The following CSMD1 variants were observed in gnomAD, a reference collection of about 807,000 sequenced individuals.
The protein encoded by CSMD1 is CUB and sushi domain-containing protein 1.
A neutral mutation model predicts 417.5 loss-of-function variants in CSMD1; 213 were observed. The ratio of observed to expected loss-of-function variants is 0.51; its 90% CI spans 0.46 to 0.57. The LOEUF (loss-of-function observed/expected upper bound fraction) is 0.57. CSMD1 is among the 20% of genes least tolerant of loss of function. The pLI, the probability that CSMD1 is intolerant of heterozygous loss-of-function variation, is 0.00. For synonymous variants in CSMD1, 2,862 were observed against 1,736.8 expected (o/e 1.65, Z -16.11); for missense variants, 6,923 against 4,529.7 (o/e 1.53, Z -15.17).
chr8:3,787,119 A>C (rs1355566812), intron 5 of CSMD1, among the ~76,000 whole-genome samples: 1 of 152,278 alleles, frequency 6.6e-6, no homozygotes. Flanking sequence ...ACATAACTCA[A>C]GAGGAAGGGT....
chr8:4,136,749 T>A (rs1242323088), intron 3 of CSMD1, among the ~76,000 whole-genome samples: 1 of 152,186 alleles, frequency 6.6e-6, no homozygotes, highest in East Asian at 1.9e-4. Flanking sequence ...AAGGTGTGCA[T>A]GTGAATTATT....
intron 1 of CSMD1, among the ~76,000 whole-genome samples, chr8:4,831,531 A>G (rs1045899737): frequency 6.6e-6 from 1 of 152,034 alleles, no homozygotes; most frequent in Non-Finnish European, 1.5e-5. Context: ...TTTTTTTAAT[A>G]TCAGAAGATA....
chr8:3,067,640 C>A (rs935545698), intron 49 of CSMD1, among the ~76,000 whole-genome samples: 1 of 149,346 alleles, frequency 6.7e-6, no homozygotes, highest in Non-Finnish European at 1.5e-5. Flanking sequence ...TAACATTGAT[C>A]AACATTCTTC....
intron 51 of CSMD1, among the ~76,000 whole-genome samples, chr8:3,028,102 A>T (rs1303123301): frequency 6.6e-6 from 1 of 152,240 alleles, no homozygotes; most frequent in Non-Finnish European, 1.5e-5. Context: ...GCGCTGTGCC[A>T]GCCGCAGAAG....
chr8:3,804,085 T>A (rs1000601841), intron 5 of CSMD1, among the ~76,000 whole-genome samples: 1 of 151,884 alleles, frequency 6.6e-6, no homozygotes, highest in African/African-American at 2.4e-5. Context: ...CACCACCACA[T>A]CCAGCTATTT....
chr8:4,604,496 C>T (rs915780641), intron 2 of CSMD1, among the ~76,000 whole-genome samples: 1 of 151,790 alleles, frequency 6.6e-6, no homozygotes, highest in African/African-American at 2.4e-5. Flanking sequence ...TTCTCGTGGT[C>T]ATTAGCTTCT....
chr8:3,270,011 C>T (rs1037715129), intron 26 of CSMD1, among the ~76,000 whole-genome samples: 1 of 150,222 alleles, frequency 6.7e-6, no homozygotes, highest in African/African-American at 2.4e-5. Flanking sequence ...AGACATGAAG[C>T]ATGGAAGATG....
chr8:4,859,737 A>G (rs540581636), intron 1 of CSMD1, among the ~76,000 whole-genome samples: 35 of 152,042 alleles, frequency 2.3e-4, no homozygotes, highest in Admixed American at 1.4e-3. Flanking sequence ...TTAGAATGGC[A>G]ATCATTAAAA....
intron 3 of CSMD1, among the ~76,000 whole-genome samples, chr8:4,070,382 G>C (rs748161771): frequency 2.0e-5 from 3 of 152,088 alleles, no homozygotes; most frequent in Admixed American, 2.0e-4. Context: ...TTTTGAGACA[G>C]AGTCTCGCTG....
chr8:3,564,517 T>TTTTGTGTGTGTGTGTGTG (rs144757433), intron 10 of CSMD1, among the ~76,000 whole-genome samples: 2 of 145,392 alleles, frequency 1.4e-5, no homozygotes, highest in Admixed American at 6.9e-5. Flanking sequence ...CACAGTATAT[T>TTTTGTGTGTGTGTGTGTG]TGTGTGTGTG....
At chr8:3,157,785 C>G in intron 39 of CSMD1, 112 bp downstream of exon 39, 1 of 827,402 alleles carries the variant, frequency 1.2e-6, no homozygotes, top group Admixed American at 2.1e-5. Context: ...GTATATAACA[C>G]GTGTTTTGAA....
At chr8:3,610,050 T>G (rs1287731344) in intron 8 of CSMD1, among the ~76,000 whole-genome samples, 1 of 152,016 alleles carries the variant, frequency 6.6e-6, no homozygotes, top group Non-Finnish European at 1.5e-5. Flanking sequence ...TTCACCCACC[T>G]TAGCCTACAG....
chr8:3,588,271 T>C (rs1256658036), intron 8 of CSMD1, among the ~76,000 whole-genome samples: 5 of 151,902 alleles, frequency 3.3e-5, no homozygotes, highest in Admixed American at 6.6e-5. Flanking sequence ...CAATCTCATA[T>C]AGATAACATA....
intron 2 of CSMD1, among the ~76,000 whole-genome samples, chr8:4,635,140 C>A (rs1470205736): frequency 1.3e-5 from 2 of 151,936 alleles, no homozygotes; most frequent in Non-Finnish European, 2.9e-5. Context: ...TCATATGAAC[C>A]TAAGTAGGCT....
At chr8:4,595,387 C>CTTTTTTTTTTTTTTTTTCTTT in intron 2 of CSMD1, among the ~76,000 whole-genome samples, 1 of 147,344 alleles carries the variant, frequency 6.8e-6, no homozygotes, top group South Asian at 2.2e-4. Flanking sequence ...CATTCATTTT[C>CTTTTTTTTTTTTTTTTTCTTT]ATTCCATCCA....
At chr8:3,692,097 C>T (rs559537191) in intron 7 of CSMD1, among the ~76,000 whole-genome samples, 15 of 152,306 alleles carry the variant, frequency 9.8e-5, no homozygotes, top group African/African-American at 3.4e-4. Flanking sequence ...TCCTCTGACT[C>T]ATCTGGAGAG....
intron 10 of CSMD1, among the ~76,000 whole-genome samples, chr8:3,497,293 A>G (rs1025884669): frequency 6.6e-6 from 1 of 152,156 alleles, no homozygotes; most frequent in African/African-American, 2.4e-5. Context: ...TCTCCCATCA[A>G]TAATGTTTGC....
rs566047505 is a variant in CSMD1 at position 4,393,026 on chromosome 8, A to C, written c.415+26927T>G. 2.6e-5 allele frequency among the ~76,000 whole-genome samples: 4 copies of C among 151,998 alleles called. No individual in the cohort carries two copies. In the South Asian group the frequency reaches 8.4e-4, roughly 32 times the overall value. ...AGTGTCACTCTGTCATCCAGGCTGG[A>C]GTGCAGTGACATGACCTAGGCTCAC... is the stretch of plus-strand genomic sequence containing the variant. On this transcript the variant is annotated intron_variant, in intron 3 of 69. Coordinates refer to ENST00000635120, the MANE Select transcript of CSMD1 (RefSeq NM_033225.6).
At chr8:3,440,757 G>A (rs1373419444) in intron 12 of CSMD1, among the ~76,000 whole-genome samples, 1 of 152,188 alleles carries the variant, frequency 6.6e-6, no homozygotes, top group Non-Finnish European at 1.5e-5. Flanking sequence ...TCATCAGTAA[G>A]GTTAATTCTA....
Sources: gnomAD v4.1 joint callset for allele counts (sites outside exome capture counted in the v4.1 genomes callset) on GRCh38, gnomAD v4.1.1 for gene constraint, MANE v1.5 for transcripts, NCBI Gene and HGNC (gene_info 2026-07-23, HGNC 2026-07-21) for gene names.